The following ZNF503 variants were observed in gnomAD, a reference collection of about 807,000 sequenced individuals.
ZNF503 encodes zinc finger protein 503.
In ZNF503, 15 loss-of-function variants were observed where a neutral mutation model predicts 34.4. The ratio of observed to expected loss-of-function variants is 0.44; its 90% CI spans 0.29 to 0.67. The LOEUF (loss-of-function observed/expected upper bound fraction) is 0.67, where lower values mean the gene tolerates loss of function less well. ZNF503 is among the 30% of genes least tolerant of loss of function. The probability of loss-of-function intolerance (pLI) is 0.13; values close to 1 mark genes in which losing one functional copy is unlikely to be tolerated. For synonymous variants in ZNF503, 580 were observed against 456.8 expected, an observed-to-expected ratio of 1.27 and a Z score of -3.44; for missense variants, 1,007 against 926.8, an observed-to-expected ratio of 1.09 and a Z score of -1.12.
Position 75,401,465 on chromosome 10 carries a change from GGCGCGGGGCGGGCTCGGGGCT to G in ZNF503, c.-67_-47del, listed in dbSNP as rs1479664743. ...AGCAGCGGGGGGGAGGGCTCCGGGA[GGCGCGGGGCGGGCTCGGGGCT>G]GCGCGCTCGCCCCGGGAGCAGGAGC... On this transcript the variant is annotated 5_prime_UTR_variant, in exon 1 of 2. Transcript: ENST00000372524. 2 of 1,503,970 alleles carry G rather than the reference GGCGCGGGGCGGGCTCGGGGCT, an allele frequency of 1.3e-6. No individual in the cohort carries two copies. Among genetic ancestry groups the G allele is most frequent in the African/African-American group, 1.4e-5 (1 of 69,066 alleles). 93.2% of individuals were successfully genotyped at this position (1,503,970 alleles called of 1,614,324 possible). A position where few individuals can be genotyped will look rare whatever the true frequency, so the allele number is the denominator to read the frequency against.
At chr10:75,357,793 A>C in the ZNF503 span, among the ~76,000 whole-genome samples, 2 of 152,222 alleles carry the variant, frequency 1.3e-5, no homozygotes, top group Non-Finnish European at 2.9e-5. Flanking sequence ...CATGATATGC[A>C]GCTAGCAGGC....
the ZNF503 span, among the ~76,000 whole-genome samples, chr10:75,313,914 A>G: frequency 2.0e-5 from 3 of 152,236 alleles, no homozygotes; most frequent in Admixed American, 1.3e-4. Flanking sequence ...CTAAGAGGGA[A>G]CAAGAGATGT....
the ZNF503 span, among the ~76,000 whole-genome samples, chr10:75,315,413 A>G: frequency 5.9e-5 from 9 of 152,226 alleles, no homozygotes; most frequent in African/African-American, 2.2e-4. Flanking sequence ...TGAATACAGA[A>G]TATAAAAAGA....
chr10:75,376,306 C>T, the ZNF503 span, among the ~76,000 whole-genome samples: 1 of 152,148 alleles, frequency 6.6e-6, no homozygotes, highest in Non-Finnish European at 1.5e-5. Context: ...CACCACCCCT[C>T]TCTGGCTTAG....
the ZNF503 span, among the ~76,000 whole-genome samples, chr10:75,340,157 C>T: frequency 5.7e-3 from 15 of 2,620 alleles, no homozygotes; most frequent in South Asian, 0.031. Flanking sequence ...TGGTGGGGGC[C>T]GGGGGGAGGG....
downstream of ZNF503, among the ~76,000 whole-genome samples, chr10:75,393,745 G>C (rs1843668769): frequency 6.6e-6 from 1 of 152,084 alleles, no homozygotes; most frequent in African/African-American, 2.4e-5. Context: ...TGTAATTTTA[G>C]CTACTCAGGA....
the ZNF503 span, among the ~76,000 whole-genome samples, chr10:75,345,708 A>G: frequency 6.6e-6 from 1 of 151,864 alleles, no homozygotes; most frequent in Non-Finnish European, 1.5e-5. Context: ...GCTCACCATC[A>G]GGAAATGGGG....
the ZNF503 span, among the ~76,000 whole-genome samples, chr10:75,330,641 T>C: frequency 6.6e-6 from 1 of 152,168 alleles, no homozygotes; most frequent in Non-Finnish European, 1.5e-5. Context: ...TGGCATATAG[T>C]TGTTTGTAAT....
In ZNF503 at chr10:75,398,833, C is replaced by T; in HGVS notation, c.1857G>A (p.Val619=). ...AGTAGTACGGTCCGGTGGCGGCGGGCACCGGCACGGGGGCGCCAGGCGTGG... is the reference window on the plus strand; with the variant it reads ...AGTAGTACGGTCCGGTGGCGGCGGGTACCGGCACGGGGGCGCCAGGCGTGG... ...PLPTPGAPVP[V]PAATGPYYSP... is the part of the protein sequence containing the mutation. Residue 619 remains valine, a synonymous_variant, in exon 2 of 2, where the codon GTG becomes GTA. Coordinates refer to ENST00000372524, the MANE Select transcript of ZNF503 (RefSeq NM_032772.6). 1.3e-6 allele frequency: 2 copies of T among 1,500,304 alleles called. No individual in the cohort carries two copies. Among genetic ancestry groups the T allele is most frequent in the Non-Finnish European group, 1.8e-6 (2 of 1,131,114 alleles). The allele number at this position is 1,500,304 out of a possible 1,614,324, so 92.9% of individuals were successfully genotyped here. A position where few individuals can be genotyped will look rare whatever the true frequency, so the allele number is the denominator to read the frequency against.
rs763178400 is a variant in ZNF503, at chr10:75,399,334, T to C, written c.1356A>G (p.Ala452=). Residue 452 remains alanine (A), a synonymous_variant, in exon 2 of 2, where the codon GCA becomes GCG. Coordinates refer to ENST00000372524, the MANE Select transcript of ZNF503 (RefSeq NM_032772.6). The part of the protein sequence containing the change: ...AGAAAASASC[A]HDPAAAAAAL... ...CCGCAGCCGCAGCAGCCGGATCATG[T>C]GCGCAAGAAGCGCTGGCGGCCGCCG... 1 of 1,605,532 alleles carries C rather than the reference T, an allele frequency of 6.2e-7. No individual in the cohort carries two copies. Among genetic ancestry groups the C allele is most frequent in the Non-Finnish European group, 8.5e-7 (1 of 1,177,660 alleles).
the ZNF503 span, among the ~76,000 whole-genome samples, chr10:75,351,285 C>G: frequency 2.6e-5 from 4 of 152,146 alleles, no homozygotes; most frequent in African/African-American, 9.7e-5. Flanking sequence ...GATTCTTGTG[C>G]CTCAGCCTCC....
chr10:75,295,116 G>A, the ZNF503 span, among the ~76,000 whole-genome samples: 7 of 151,874 alleles, frequency 4.6e-5, no homozygotes, highest in Admixed American at 4.6e-4. This position sits in a 1 kb window ranked among gnomAD's most constrained non-coding sequence, Gnocchi z 4.0. Context: ...GGCCGGGAGG[G>A]GACGCGCGGG....
chr10:75,313,210 G>T, the ZNF503 span, among the ~76,000 whole-genome samples: 7 of 152,146 alleles, frequency 4.6e-5, no homozygotes, highest in East Asian at 5.8e-4. Context: ...CAAAATAGGG[G>T]TTTTTTTGCA....
At chr10:75,367,297 C>T in the ZNF503 span, among the ~76,000 whole-genome samples, 1 of 152,238 alleles carries the variant, frequency 6.6e-6, no homozygotes, top group Admixed American at 6.5e-5. Context: ...TTCCTAACAA[C>T]CCCACCCACG....
chr10:75,383,814 C>G, the ZNF503 span, among the ~76,000 whole-genome samples: 1 of 152,222 alleles, frequency 6.6e-6, no homozygotes, highest in African/African-American at 2.4e-5. Context: ...CTGTCCTGAA[C>G]CAGGGCAGCT....
the ZNF503 span, among the ~76,000 whole-genome samples, chr10:75,348,984 G>A: frequency 6.6e-6 from 1 of 151,642 alleles, no homozygotes; most frequent in African/African-American, 2.4e-5. Flanking sequence ...CTCCCTTCCT[G>A]TTTCTCTTTT....
chr10:75,347,941 T>C, the ZNF503 span, among the ~76,000 whole-genome samples: 1 of 152,216 alleles, frequency 6.6e-6, no homozygotes, highest in African/African-American at 2.4e-5. Context: ...TGGAGTGCTG[T>C]GGCATGATCT....
chr10:75,336,435 C>T, the ZNF503 span, among the ~76,000 whole-genome samples: 4 of 148,922 alleles, frequency 2.7e-5, no homozygotes, highest in African/African-American at 4.9e-5. Context: ...AAATCATCAT[C>T]GTTATTATTA....
Position 75,400,226 on chromosome 10 carries a change from T to C in ZNF503, c.464A>G (p.Lys155Arg), listed in dbSNP as rs778979431. 4.4e-6 allele frequency: 7 copies of C among 1,608,654 alleles called. No homozygotes were observed. The highest frequency in any genetic ancestry group is 1.3e-5 in the African/African-American group (1 of 74,570). The change falls in exon 2 of 2, where the codon AAG becomes AGG. Residue 155 changes from lysine (K) to arginine (R), a missense_variant. Transcript: ENST00000372524. ...GGAGGGAAGD[K>R]DTKSGPLKLS... is the part of the protein sequence containing the mutation. ...CTTCAGGGGGCCCGATTTGGTGTCC[T>C]TGTCGCCCGCAGCACCGCCGCCGGC...
Sources: gnomAD v4.1 joint callset for allele counts (sites outside exome capture counted in the v4.1 genomes callset) on GRCh38, gnomAD v4.1.1 for gene constraint, Gnocchi (gnomAD v3.1) non-coding constraint, MANE v1.5 for transcripts, NCBI Gene and HGNC (gene_info 2026-07-23, HGNC 2026-07-21) for gene names.